PAAF1: variants seen among roughly 807,000 people sequenced by gnomAD.
The protein encoded by PAAF1 is proteasomal ATPase associated factor 1.
Under a neutral mutation model 52.8 loss-of-function variants are expected in PAAF1, and 46 were observed. That is an observed-to-expected ratio of 0.87 (90% CI 0.69 to 1.11). The LOEUF is 1.11. Ranked by LOEUF, PAAF1 falls within the 50% of genes most tolerant of loss-of-function variation. The probability of loss-of-function intolerance (pLI) is 0.00; values close to 1 mark genes in which losing one functional copy is unlikely to be tolerated. For missense variants in PAAF1, 424 were observed against 477.4 expected (o/e 0.89, Z 1.04); for synonymous variants, 178 against 172.8 (o/e 1.03, Z -0.24).
In PAAF1 at chr11:73,916,519, C is replaced by T. The variant is rs373259714; in HGVS notation, c.820-26C>T. 6 of 1,485,774 alleles carry T rather than the reference C, an allele frequency of 4.0e-6. No individual in the cohort carries two copies. In the East Asian group the frequency reaches 1.4e-4, roughly 34 times the overall value. The allele number at this position is 1,485,774 out of a possible 1,614,324, so 92.0% of individuals were successfully genotyped here. ...TGGAAACAAATTAATCTTTAAACAG[C>T]ATTTTTGCCTCCTACTTGTTCCCAG... On this transcript the variant is annotated intron_variant, in intron 8 of 11. Coordinates refer to ENST00000310571, the MANE Select transcript of PAAF1 (RefSeq NM_025155.3).
At chr11:73,925,378 ATTGC>A (rs906788178) in intron 11 of PAAF1, among the ~76,000 whole-genome samples, 3 of 149,392 alleles carry the variant, frequency 2.0e-5, no homozygotes, top group African/African-American at 7.4e-5. Flanking sequence ...AGATGGGACG[ATTGC>A]TTGGGCCTGG....
intron 4 of PAAF1, among the ~76,000 whole-genome samples, chr11:73,896,452 G>C (rs1305800828): frequency 6.6e-6 from 1 of 151,090 alleles, no homozygotes; most frequent in Admixed American, 6.6e-5. Context: ...GCGGCCTTCC[G>C]CAGTGTTTGT....
At chr11:73,899,316 G>A in intron 5 of PAAF1, 72 bp downstream of exon 5, 1 of 1,130,946 alleles carries the variant, frequency 8.8e-7, no homozygotes. Flanking sequence ...CTGGGACATG[G>A]AAGGAAGAAT....
At chr11:73,896,460 T>C (rs1949368864) in intron 4 of PAAF1, among the ~76,000 whole-genome samples, 2 of 151,294 alleles carry the variant, frequency 1.3e-5, no homozygotes, top group Admixed American at 1.3e-4. Context: ...CCGCAGTGTT[T>C]GTGTCCCTGG....
chr11:73,897,004 C>A (rs1205353834), intron 4 of PAAF1, among the ~76,000 whole-genome samples: 2 of 131,420 alleles, frequency 1.5e-5, no homozygotes, highest in Non-Finnish European at 3.2e-5. Context: ...CCCTCCTGGA[C>A]GGGGCGGCTG....
intron 6 of PAAF1, among the ~76,000 whole-genome samples, chr11:73,905,645 T>C (rs1322288845): frequency 6.6e-6 from 1 of 152,122 alleles, no homozygotes; most frequent in Non-Finnish European, 1.5e-5. Flanking sequence ...TGCTGTTACA[T>C]TATGAGTGAC....
In PAAF1 at chr11:73,899,153, G is replaced by A. The variant is rs1591077093; in HGVS notation, c.290G>A (p.Cys97Tyr). 3 of 1,613,174 alleles carry A rather than the reference G, an allele frequency of 1.9e-6. No homozygotes were observed. Among genetic ancestry groups the A allele is most frequent in the East Asian group, 4.5e-5 (2 of 44,864 alleles). ...FSRIHTKSITCLDISSRGGLG... is the reference protein window; with the variant it reads ...FSRIHTKSITYLDISSRGGLG... Reference sequence around the variant, plus strand: ...TGTTTTCTCTTTGAACAGATAACATGCCTGGACATTTCCAGCAGAGGAGGT... The same window carrying A: ...TGTTTTCTCTTTGAACAGATAACATACCTGGACATTTCCAGCAGAGGAGGT... Residue 97 changes from cysteine to tyrosine, a missense_variant, in exon 5 of 12, where the codon TGC becomes TAC. Physicochemically the swap from Cys to Tyr is radical, Grantham distance 194. Transcript: ENST00000310571.
In PAAF1 at chr11:73,878,820, G is replaced by A. The variant is rs1175026707; in HGVS notation, c.88+1G>A. On this transcript the variant is annotated splice_donor_variant, in intron 2 of 11. Coordinates refer to ENST00000310571, the MANE Select transcript of PAAF1 (RefSeq NM_025155.3). LOFTEE classifies it high-confidence loss of function. Reference sequence around the variant, plus strand: ...GCCTGGCTGAGCTGTCATCCCCCAGGTAATACCCATGAATTATATATGCTG... The same window carrying A: ...GCCTGGCTGAGCTGTCATCCCCCAGATAATACCCATGAATTATATATGCTG... The A allele has an allele frequency of 6.2e-7, 1 of 1,613,322 alleles. No homozygotes were observed. Among genetic ancestry groups the A allele is most frequent in the Admixed American group, 1.7e-5 (1 of 59,958 alleles).
intron 10 of PAAF1, chr11:73,921,829 G>A: frequency 8.8e-7 from 1 of 1,130,888 alleles, no homozygotes. Flanking sequence ...CTGTTTGTTT[G>A]CAGGTTTGGG....
rs770012471 is a variant in PAAF1 at position 73,918,971 on chromosome 11, C to T, written c.957C>T (p.His319=). 8 of 1,613,588 alleles carry T rather than the reference C, an allele frequency of 5.0e-6. No homozygotes were observed. Among genetic ancestry groups the T allele is most frequent in the South Asian group, 3.3e-5 (3 of 90,968 alleles). ...RSPRAPVQVI[H]RSGAPVLSLL... ...CTAGGGCTCCGGTACAAGTCATCCA[C>T]AGATCAGGAGCACCAGTTCTATCCC... Residue 319 remains histidine, a synonymous_variant, in exon 10 of 12, where the codon CAC becomes CAT. Transcript: ENST00000310571.
At chr11:73,899,314 T>C (rs1949526034) in intron 5 of PAAF1, 70 bp downstream of exon 5, 1 of 1,161,486 alleles carries the variant, frequency 8.6e-7, no homozygotes, top group Non-Finnish European at 1.3e-6. Flanking sequence ...GACTGGGACA[T>C]GGAAGGAAGA....
chr11:73,884,100 T>G (rs1591043211), intron 2 of PAAF1, among the ~76,000 whole-genome samples: 2 of 152,262 alleles, frequency 1.3e-5, no homozygotes, highest in Admixed American at 1.3e-4. Context: ...GGAGCAGTAC[T>G]CAGCAGCCTG....
In PAAF1 at chr11:73,886,166, G is replaced by A. The variant is rs555033621; in HGVS notation, c.89-1188G>A. ...TCTGCAAAATCAGTATTCTACTTAG[G>A]CAAATTTTACAGGTTACTGAAGCTT... On this transcript the variant is annotated intron_variant, in intron 2 of 11. Transcript: ENST00000310571. Among the ~76,000 whole-genome samples, 4 of 152,202 alleles carry A rather than the reference G, an allele frequency of 2.6e-5. No homozygotes were observed. The East Asian group carries it at 5.8e-4, about 22-fold the overall frequency.
intron 9 of PAAF1, among the ~76,000 whole-genome samples, chr11:73,918,429 A>T (rs1950128849): frequency 8.0e-6 from 1 of 124,682 alleles, no homozygotes; most frequent in South Asian, 2.5e-4. Flanking sequence ...ATAAAGTCAC[A>T]CTTACATATA....
chr11:73,930,739 T>G lies in PAAF1; in HGVS notation c.*3377T>G, dbSNP rs995904863. The stretch of plus-strand genomic sequence containing the variant: ...TCCAGCTTGGGCAACAGAGCGAGAC[T>G]CTCTCTCAAAAAAGAAAAAAAAAAT... On this transcript the variant is annotated 3_prime_UTR_variant, in exon 12 of 12. Transcript: ENST00000310571. The G allele has an allele frequency of 6.7e-6, 1 of 149,078 alleles. No individual in the cohort carries two copies. The highest frequency in any genetic ancestry group is 6.7e-5 in the Admixed American group (1 of 14,870). 9.2% of individuals were successfully genotyped at this position (149,078 alleles called of 1,614,324 possible). A position where few individuals can be genotyped will look rare whatever the true frequency, so the allele number is the denominator to read the frequency against.
intron 8 of PAAF1, among the ~76,000 whole-genome samples, chr11:73,914,729 C>T (rs1950018312): frequency 7.0e-6 from 1 of 143,150 alleles, no homozygotes; most frequent in Admixed American, 7.1e-5. Flanking sequence ...GACAGAGTCT[C>T]ACTCTGTCGC....
At chr11:73,881,861 C>T (rs1010400270) in intron 2 of PAAF1, among the ~76,000 whole-genome samples, 4 of 151,826 alleles carry the variant, frequency 2.6e-5, no homozygotes, top group Non-Finnish European at 5.9e-5. Context: ...CGCGTGCTAC[C>T]ATGCACGGCT....
rs61429432 is a variant in PAAF1 at position 73,913,700 on chromosome 11, GA to G, written c.728-702del. On this transcript the variant is annotated intron_variant, in intron 7 of 11. Transcript: ENST00000310571. Reference sequence around the variant, plus strand: ...CACATAGAAGATGAGGGTAAAAAAAGAAAAAAAAAAAGAAAAAAAGAATAGT... The same window carrying G: ...CACATAGAAGATGAGGGTAAAAAAAGAAAAAAAAAAGAAAAAAAGAATAGT... Among the ~76,000 whole-genome samples, 676 of 134,208 alleles carry G rather than the reference GA, an allele frequency of 5.0e-3. 1 individual carries two copies. The highest frequency in any genetic ancestry group is 8.8e-3 in the Non-Finnish European group (527 of 59,956). 88.0% of individuals were successfully genotyped at this position (134,208 alleles called of 152,430 possible). A position where few individuals can be genotyped will look rare whatever the true frequency, so the allele number is the denominator to read the frequency against.
At chr11:73,889,225 C>A in intron 3 of PAAF1, 1 of 1,482,916 alleles carries the variant, frequency 6.7e-7, no homozygotes, top group Non-Finnish European at 8.9e-7. Flanking sequence ...TTGCTGTGAA[C>A]CTGCTGAGTG....
Sources: allele counts gnomAD v4.1 joint callset (sites outside exome capture counted in the v4.1 genomes callset), GRCh38; gene constraint gnomAD v4.1.1; transcripts MANE v1.5; gene names NCBI Gene and HGNC (gene_info 2026-07-23, HGNC 2026-07-21).